The following PCSK5 variants were observed in gnomAD, a reference collection of about 807,000 sequenced individuals.
PCSK5 encodes the protein prohormone convertase 5.
A neutral mutation model predicts 233.2 loss-of-function variants in PCSK5; 129 were observed. The observed-to-expected ratio is 0.55, with a 90% CI of 0.48 to 0.64. The LOEUF is 0.64. Ranked by LOEUF, PCSK5 falls within the 30% of genes least tolerant of loss-of-function variation. The pLI, the probability that PCSK5 is intolerant of heterozygous loss-of-function variation, is 0.00. For missense variants in PCSK5, 2,076 were observed against 2,430.1 expected, an observed-to-expected ratio of 0.85 and a Z score of 3.06; for synonymous variants, 825 against 879.2, an observed-to-expected ratio of 0.94 and a Z score of 1.09.
At chr9:76,262,545 A>C (rs1211785634) in intron 24 of PCSK5, among the ~76,000 whole-genome samples, 1 of 149,210 alleles carries the variant, frequency 6.7e-6, no homozygotes, top group African/African-American at 2.5e-5. Context: ...CCTATTTAAT[A>C]AATGGTGCTG....
At chr9:76,020,416 C>T (rs973608865) in intron 3 of PCSK5, among the ~76,000 whole-genome samples, 1 of 152,144 alleles carries the variant, frequency 6.6e-6, no homozygotes, top group Non-Finnish European at 1.5e-5. Context: ...CATTAAAAGT[C>T]GAAGATCCAC....
At chr9:75,963,274 C>A (rs560264005) in intron 2 of PCSK5, among the ~76,000 whole-genome samples, 3 of 152,170 alleles carry the variant, frequency 2.0e-5, no homozygotes, top group Non-Finnish European at 4.4e-5. Context: ...CTCTTCTGGG[C>A]TTCAGGCTTT....
intron 5 of PCSK5, among the ~76,000 whole-genome samples, chr9:76,036,268 A>C (rs1311986240): frequency 6.6e-6 from 1 of 152,214 alleles, no homozygotes; most frequent in African/African-American, 2.4e-5. Context: ...ATTTAATACC[A>C]ATGATAGGTA....
intron 24 of PCSK5, among the ~76,000 whole-genome samples, chr9:76,247,791 C>CT (rs35561448): frequency 0.39 from 57,232 of 148,358 alleles, 11,073 homozygotes; most frequent in Non-Finnish European, 0.42. Context: ...ATTTTTTAAT[C>CT]TTTTTTTTTT....
chr9:76,351,450 A>AAG, intron 36 of PCSK5, among the ~76,000 whole-genome samples: 1 of 11,476 alleles, frequency 8.7e-5, no homozygotes, highest in South Asian at 3.1e-3. Context: ...AAAGAAAGGA[A>AAG]AGAAAGAAAG....
At chr9:76,016,701 T>G (rs1017698603) in intron 3 of PCSK5, among the ~76,000 whole-genome samples, 9 of 152,238 alleles carry the variant, frequency 5.9e-5, no homozygotes, top group African/African-American at 2.2e-4. Flanking sequence ...TTTTATTTTG[T>G]TAAATGGTTT....
At chr9:76,106,277 G>C (rs757526917) in intron 8 of PCSK5, among the ~76,000 whole-genome samples, 1 of 152,218 alleles carries the variant, frequency 6.6e-6, no homozygotes, top group Non-Finnish European at 1.5e-5. Flanking sequence ...TCCCCCAGAG[G>C]TGATACTGTC....
At chr9:76,083,987 T>C (rs1830961911) in intron 7 of PCSK5, among the ~76,000 whole-genome samples, 1 of 152,244 alleles carries the variant, frequency 6.6e-6, no homozygotes, top group Admixed American at 6.5e-5. Flanking sequence ...TGTAAAATTT[T>C]GGAATGATAT....
chr9:76,143,047 C>G (rs561834993), intron 10 of PCSK5, among the ~76,000 whole-genome samples: 31 of 152,296 alleles, frequency 2.0e-4, no homozygotes, highest in African/African-American at 7.5e-4. Flanking sequence ...TACACCTAAC[C>G]TAAATAAAGC....
intron 8 of PCSK5, among the ~76,000 whole-genome samples, chr9:76,103,130 G>A (rs1204821458): frequency 2.6e-5 from 4 of 152,030 alleles, no homozygotes; most frequent in South Asian, 2.1e-4. Flanking sequence ...TTTAGTCTTC[G>A]GTTCTTTTTT....
At chr9:76,055,012 C>T (rs1829770741) in intron 5 of PCSK5, among the ~76,000 whole-genome samples, 1 of 152,066 alleles carries the variant, frequency 6.6e-6, no homozygotes. Flanking sequence ...TTCTTGCCTA[C>T]AGCGTGTTAT....
intron 1 of PCSK5, among the ~76,000 whole-genome samples, chr9:75,892,463 G>A (rs1825652609): frequency 6.6e-6 from 1 of 152,222 alleles, no homozygotes; most frequent in Non-Finnish European, 1.5e-5. Context: ...GCTGGGCTCA[G>A]GCGAGAATCC....
chr9:76,161,611 A>C (rs1456898230), intron 12 of PCSK5, among the ~76,000 whole-genome samples: 1 of 150,826 alleles, frequency 6.6e-6, no homozygotes, highest in Non-Finnish European at 1.5e-5. Flanking sequence ...TGCTTGAAAA[A>C]CTCAACCTCT....
chr9:75,992,876 A>G (rs1826835315), intron 3 of PCSK5, among the ~76,000 whole-genome samples: 1 of 152,230 alleles, frequency 6.6e-6, no homozygotes. Context: ...TTTGTCGATC[A>G]GCAGAGTGAA....
At chr9:76,045,383 G>C (rs1829330399) in intron 5 of PCSK5, among the ~76,000 whole-genome samples, 2 of 152,080 alleles carry the variant, frequency 1.3e-5, no homozygotes, top group Non-Finnish European at 2.9e-5. Context: ...TTCACCAGTT[G>C]GTGATTGGTT....
At chr9:76,221,144 CT>C (rs1248828438) in intron 20 of PCSK5, among the ~76,000 whole-genome samples, 1 of 152,176 alleles carries the variant, frequency 6.6e-6, no homozygotes. Flanking sequence ...ATGGAATTGC[CT>C]TTTAAAGAAT....
At chr9:76,140,740 T>C (rs1373899076) in intron 10 of PCSK5, among the ~76,000 whole-genome samples, 2 of 152,108 alleles carry the variant, frequency 1.3e-5, no homozygotes, top group Non-Finnish European at 2.9e-5. Flanking sequence ...TCACCTTAAG[T>C]CCAACCTACT....
Position 76,023,730 on chromosome 9 carries a change from T to A in PCSK5, c.412-8T>A. ...TAGTAATCTTGCAGCATGCTCTTCT[T>A]CTTTCAGCACTGCAGTGACAATACA... is the stretch of plus-strand genomic sequence containing the variant. On this transcript the variant is annotated splice_polypyrimidine_tract_variant and splice_region_variant and intron_variant, in intron 3 of 37. Transcript: ENST00000674117. 6.3e-7 allele frequency: 1 copy of A among 1,597,816 alleles called. No individual in the cohort carries two copies. Among genetic ancestry groups the A allele is most frequent in the Non-Finnish European group, 8.5e-7 (1 of 1,173,866 alleles).
intron 24 of PCSK5, among the ~76,000 whole-genome samples, chr9:76,246,443 T>C (rs181664973): frequency 1.1e-4 from 17 of 152,034 alleles, no homozygotes; most frequent in African/African-American, 4.1e-4. Context: ...GGCAAGGTTG[T>C]AGGAAAGCAA....
Sources: allele counts gnomAD v4.1 joint callset (sites outside exome capture counted in the v4.1 genomes callset), GRCh38; gene constraint gnomAD v4.1.1; transcripts MANE v1.5; gene names NCBI Gene and HGNC (gene_info 2026-07-23, HGNC 2026-07-21).